AVEN: variants seen among roughly 807,000 people sequenced by gnomAD.
AVEN encodes the protein cell death regulator Aven.
Under a neutral mutation model 38.1 loss-of-function variants are expected in AVEN, and 41 were observed. The observed-to-expected ratio is 1.08, with a 90% confidence interval of 0.84 to 1.40. The LOEUF is 1.40. Ranked by LOEUF, AVEN falls within the 40% of genes most tolerant of loss-of-function variation. The pLI is 0.00. For synonymous variants in AVEN, 206 were observed against 171.8 expected (o/e 1.20, Z -1.56); for missense variants, 605 against 438.8 (o/e 1.38, Z -3.38).
the AVEN span, chr15:33,852,983 T>TCTTGATGTGTTTTC: frequency 7.0e-7 from 1 of 1,426,158 alleles, no homozygotes; most frequent in African/African-American, 1.4e-5. Context: ...CTGAAACGTT[T>TCTTGATGTGTTTTC]CTTGATGTGT....
intron 2 of AVEN, among the ~76,000 whole-genome samples, chr15:34,068,235 T>C (rs1197451954): frequency 1.7e-3 from 1 of 572 alleles, no homozygotes; most frequent in Non-Finnish European, 6.6e-3. Context: ...TTTTCATTCA[T>C]TTTTTTTTTT....
At chr15:33,854,981 T>C (rs2079493001), downstream of AVEN, 1 of 1,437,362 alleles carries the variant, frequency 7.0e-7, no homozygotes, top group East Asian at 2.3e-5. Context: ...CAGCAGGTAG[T>C]ATACAGTATA....
At chr15:33,898,101 A>AT (rs1339217827) in intron 2 of AVEN, among the ~76,000 whole-genome samples, 1 of 151,790 alleles carries the variant, frequency 6.6e-6, no homozygotes, top group Non-Finnish European at 1.5e-5. Flanking sequence ...AGGCAGGAGA[A>AT]TGGCGTGAAC....
intron 2 of AVEN, among the ~76,000 whole-genome samples, chr15:33,924,220 A>ACGGTAGTCCTCTGCAGAGAAATGC (rs1893524027): frequency 1.3e-5 from 2 of 151,884 alleles, no homozygotes; most frequent in Non-Finnish European, 2.9e-5. Context: ...GACTAGGGGT[A>ACGGTAGTCCTCTGCAGAGAAATGC]CGGTAGTCCT....
chr15:33,901,409 A>G (rs1363584238), intron 2 of AVEN, among the ~76,000 whole-genome samples: 3 of 152,222 alleles, frequency 2.0e-5, no homozygotes, highest in African/African-American at 7.2e-5. Context: ...CTATTTGCCC[A>G]CTGATGGACA....
intron 5 of AVEN, among the ~76,000 whole-genome samples, chr15:34,045,692 A>G (rs1899655875): frequency 6.6e-6 from 1 of 151,608 alleles, no homozygotes; most frequent in Non-Finnish European, 1.5e-5. Flanking sequence ...TCAGGCATAA[A>G]GCTTCTCATA....
rs1470533938 is a variant in AVEN at position 33,974,565 on chromosome 15, A to C, written c.445+28467T>G. 7.2e-5 allele frequency among the ~76,000 whole-genome samples: 11 copies of C among 152,206 alleles called. No individual in the cohort carries two copies. The South Asian group carries it at 1.2e-3, about 17-fold the overall frequency. ...CAGCATCACTCTAGAATTCATCAAC[A>C]TGTGTGTTGGGGTGGGGGCAGCTAT... On this transcript the variant is annotated intron_variant, in intron 2 of 5. Transcript: ENST00000306730.
At chr15:33,931,349 C>CTTTTTTTTTTT (rs71119903) in intron 2 of AVEN, among the ~76,000 whole-genome samples, 4 of 89,296 alleles carry the variant, frequency 4.5e-5, no homozygotes, top group African/African-American at 5.2e-5. Flanking sequence ...TGAATATTTT[C>CTTTTTTTTTTT]TTTTTTTTTT....
intron 1 of AVEN, among the ~76,000 whole-genome samples, chr15:34,024,183 C>T (rs1424993613): frequency 6.6e-6 from 1 of 152,100 alleles, no homozygotes; most frequent in Non-Finnish European, 1.5e-5. Context: ...TGAACAAGAC[C>T]AATTCCATGC....
chr15:34,022,981 T>A (rs1009757091), intron 1 of AVEN, among the ~76,000 whole-genome samples: 1 of 151,666 alleles, frequency 6.6e-6, no homozygotes, highest in Non-Finnish European at 1.5e-5. Flanking sequence ...AGGTCAGGAG[T>A]TCAAGACTAG....
intron 2 of AVEN, among the ~76,000 whole-genome samples, chr15:33,982,032 C>A (rs920020812): frequency 6.9e-6 from 1 of 144,758 alleles, no homozygotes; most frequent in Admixed American, 6.9e-5. Context: ...TGTATTTTTT[C>A]TTTTTTTTTT....
At chr15:33,979,633 G>C (rs1165589943) in intron 2 of AVEN, among the ~76,000 whole-genome samples, 1 of 152,104 alleles carries the variant, frequency 6.6e-6, no homozygotes, top group African/African-American at 2.4e-5. Context: ...AAAAATGAAA[G>C]ATTTGGACCA....
intron 2 of AVEN, among the ~76,000 whole-genome samples, chr15:33,954,543 A>G (rs560013898): frequency 3.3e-5 from 5 of 152,086 alleles, no homozygotes; most frequent in African/African-American, 4.8e-5. Flanking sequence ...TGAGCAAACT[A>G]TCACAAGGAC....
rs1327024314 is a variant in AVEN at position 34,034,994 on chromosome 15, A to G, written c.267+3786T>C. 1.3e-5 allele frequency among the ~76,000 whole-genome samples: 2 copies of G among 152,196 alleles called. 1 individual carries two copies. Among genetic ancestry groups the G allele is most frequent in the Non-Finnish European group, 2.9e-5 (2 of 68,034 alleles). The stretch of plus-strand genomic sequence containing the variant: ...CGGCTGGTGGCTACTCTGAGCAACA[A>G]TGAAGGAGCAAGTCCTTAGACACCT... On this transcript the variant is annotated intron_variant, in intron 1 of 5. Coordinates refer to ENST00000306730, the MANE Select transcript of AVEN (RefSeq NM_020371.3).
chr15:33,897,192 A>G (rs981465589), intron 2 of AVEN, among the ~76,000 whole-genome samples: 9 of 152,202 alleles, frequency 5.9e-5, no homozygotes, highest in African/African-American at 2.2e-4. Flanking sequence ...AAAATGTTCT[A>G]TGTGTTGGTG....
chr15:33,865,053 C>G (rs182662722), downstream of AVEN: 6 of 1,093,896 alleles, frequency 5.5e-6, no homozygotes, highest in Non-Finnish European at 8.3e-6. Flanking sequence ...TAAAGGGAGC[C>G]ACAAAGAACA....
intron 2 of AVEN, among the ~76,000 whole-genome samples, chr15:33,890,135 T>G (rs982690541): frequency 3.3e-5 from 5 of 152,206 alleles, no homozygotes; most frequent in African/African-American, 4.8e-5. Flanking sequence ...GGTTTTCTGG[T>G]TTTTTTACTT....
intron 2 of AVEN, among the ~76,000 whole-genome samples, chr15:33,978,275 C>G (rs1467745857): frequency 1.3e-5 from 2 of 152,166 alleles, no homozygotes; most frequent in Non-Finnish European, 2.9e-5. Context: ...TACTAGACTA[C>G]AGCAAACCCA....
At chr15:33,958,990 C>T (rs767965253) in intron 2 of AVEN, among the ~76,000 whole-genome samples, 1 of 152,204 alleles carries the variant, frequency 6.6e-6, no homozygotes, top group Non-Finnish European at 1.5e-5. Context: ...CCTCTCAAGC[C>T]ATTGGTCTCC....
Sources: gnomAD v4.1 joint callset for allele counts (sites outside exome capture counted in the v4.1 genomes callset) on GRCh38, gnomAD v4.1.1 for gene constraint, MANE v1.5 for transcripts, NCBI Gene and HGNC (gene_info 2026-07-23, HGNC 2026-07-21) for gene names.